SGCZ: variants seen among roughly 807,000 people sequenced by gnomAD.
SGCZ encodes the protein zeta-sarcoglycan.
A neutral mutation model predicts 41.3 loss-of-function variants in SGCZ; 40 were observed. That is an observed-to-expected ratio of 0.97 (90% CI 0.75 to 1.26). SGCZ has a LOEUF of 1.26. SGCZ is among the 50% of genes most tolerant of loss of function. The pLI, the probability that SGCZ is intolerant of heterozygous loss-of-function variation, is 0.00. For missense variants in SGCZ, 552 were observed against 369.8 expected, an observed-to-expected ratio of 1.49 and a Z score of -4.04; for synonymous variants, 206 against 137.5, an observed-to-expected ratio of 1.50 and a Z score of -3.49.
At chr8:14,961,764 A>T (rs1439283221) in intron 1 of SGCZ, among the ~76,000 whole-genome samples, 1 of 152,156 alleles carries the variant, frequency 6.6e-6, no homozygotes, top group Non-Finnish European at 1.5e-5. Flanking sequence ...AAAAGCAATG[A>T]TGTAGGGATA....
intron 4 of SGCZ, among the ~76,000 whole-genome samples, chr8:14,186,758 T>C (rs1804915818): frequency 6.6e-6 from 1 of 152,182 alleles, no homozygotes; most frequent in Admixed American, 6.5e-5. Flanking sequence ...AACCTAAAAG[T>C]ACTTTATAAA....
At chr8:14,850,976 G>T (rs1460832910) in intron 1 of SGCZ, among the ~76,000 whole-genome samples, 1 of 152,032 alleles carries the variant, frequency 6.6e-6, no homozygotes, top group Non-Finnish European at 1.5e-5. Context: ...ACCAGTCTTG[G>T]GCAATTCTTC....
chr8:14,279,514 C>T (rs917611316), intron 3 of SGCZ, among the ~76,000 whole-genome samples: 5 of 151,630 alleles, frequency 3.3e-5, no homozygotes, highest in African/African-American at 1.2e-4. Flanking sequence ...GATTGGATGA[C>T]TCCATAAATA....
intron 2 of SGCZ, among the ~76,000 whole-genome samples, chr8:14,457,335 C>T (rs1800775249): frequency 6.6e-6 from 1 of 152,198 alleles, no homozygotes; most frequent in Non-Finnish European, 1.5e-5. Context: ...GCGGTGACGC[C>T]AGCGTCTGGG....
intron 1 of SGCZ, among the ~76,000 whole-genome samples, chr8:15,037,445 C>G (rs1190964395): frequency 6.6e-6 from 1 of 152,134 alleles, no homozygotes; most frequent in Non-Finnish European, 1.5e-5. Context: ...GTATAAATTA[C>G]CCAGTCTCAG....
chr8:14,230,677 A>C (rs73219289), intron 4 of SGCZ, among the ~76,000 whole-genome samples: 35,167 of 151,706 alleles, frequency 0.23, 4,980 homozygotes, highest in South Asian at 0.41. Flanking sequence ...CAATATTATT[A>C]GTGAAAATCT....
At chr8:14,289,988 A>T (rs1800784410) in intron 3 of SGCZ, among the ~76,000 whole-genome samples, 1 of 151,920 alleles carries the variant, frequency 6.6e-6, no homozygotes, top group East Asian at 2.0e-4. Flanking sequence ...GACAGTTTTA[A>T]ACAGCAGATC....
chr8:14,625,585 G>A (rs762332217), intron 1 of SGCZ, among the ~76,000 whole-genome samples: 2 of 151,976 alleles, frequency 1.3e-5, no homozygotes, highest in Non-Finnish European at 2.9e-5. Context: ...TTTTGTTGTT[G>A]TTGTTGTTTT....
chr8:14,314,070 C>T (rs1299947680), intron 3 of SGCZ, among the ~76,000 whole-genome samples: 1 of 151,952 alleles, frequency 6.6e-6, no homozygotes, highest in Non-Finnish European at 1.5e-5. Flanking sequence ...TCAGTAGTGT[C>T]TGAGAGACCT....
At chr8:14,724,562 C>G (rs1194944747) in intron 1 of SGCZ, among the ~76,000 whole-genome samples, 1 of 151,558 alleles carries the variant, frequency 6.6e-6, no homozygotes, top group African/African-American at 2.4e-5. Flanking sequence ...GAGAGACAAT[C>G]ACTATATTGA....
chr8:14,423,671 C>A (rs1241719134), intron 2 of SGCZ, among the ~76,000 whole-genome samples: 2 of 152,140 alleles, frequency 1.3e-5, no homozygotes, highest in East Asian at 1.9e-4. Flanking sequence ...GCCTTGGCCT[C>A]CCAAAGTGCT....
At chr8:14,919,338 G>C (rs558589346) in intron 1 of SGCZ, among the ~76,000 whole-genome samples, 1 of 151,994 alleles carries the variant, frequency 6.6e-6, no homozygotes, top group Admixed American at 6.6e-5. Flanking sequence ...CTACTCAGGG[G>C]GCTGAAGCAG....
intron 1 of SGCZ, among the ~76,000 whole-genome samples, chr8:14,700,395 T>C (rs934789206): frequency 6.6e-6 from 1 of 151,986 alleles, no homozygotes; most frequent in South Asian, 2.1e-4. Context: ...CTATTATAAA[T>C]GGGAGCTAAA....
At chr8:14,687,588 C>G (rs1808656995) in intron 1 of SGCZ, among the ~76,000 whole-genome samples, 1 of 151,828 alleles carries the variant, frequency 6.6e-6, no homozygotes. Flanking sequence ...TTAATCCAGT[C>G]TATCATTGTT....
chr8:14,222,904 C>T (rs7831309), intron 4 of SGCZ, among the ~76,000 whole-genome samples: 88,243 of 147,406 alleles, frequency 0.6, 26,486 homozygotes, highest in South Asian at 0.8. Context: ...CTCTACATGC[C>T]GGGTTCAAGA....
chr8:14,325,482 T>A (rs1000314277), intron 2 of SGCZ, among the ~76,000 whole-genome samples: 1 of 148,064 alleles, frequency 6.8e-6, no homozygotes, highest in Non-Finnish European at 1.5e-5. Context: ...TATAAAATCA[T>A]ATATAATAGA....
intron 1 of SGCZ, among the ~76,000 whole-genome samples, chr8:14,995,422 T>C (rs949637147): frequency 4.6e-5 from 7 of 152,222 alleles, no homozygotes; most frequent in African/African-American, 1.4e-4. Context: ...TTCAAGGAGT[T>C]TTCCCAGATG....
intron 1 of SGCZ, among the ~76,000 whole-genome samples, chr8:14,778,137 C>T (rs764460246): frequency 1.3e-5 from 2 of 151,914 alleles, no homozygotes; most frequent in Non-Finnish European, 2.9e-5. Flanking sequence ...CTGATTGTCC[C>T]GGCTAGTCTC....
chr8:14,456,797 A>G (rs1800757908), intron 2 of SGCZ, among the ~76,000 whole-genome samples: 1 of 152,188 alleles, frequency 6.6e-6, no homozygotes, highest in African/African-American at 2.4e-5. Context: ...TGTTTAGATC[A>G]GGGAGGTGGA....
Sources: gnomAD v4.1 joint callset for allele counts (sites outside exome capture counted in the v4.1 genomes callset) on GRCh38, gnomAD v4.1.1 for gene constraint, MANE v1.5 for transcripts, NCBI Gene and HGNC (gene_info 2026-07-23, HGNC 2026-07-21) for gene names.